The following MAP1B variants were observed in gnomAD, a reference collection of about 807,000 sequenced individuals.
MAP1B encodes the protein microtubule-associated protein 1B.
In MAP1B, 12 loss-of-function variants were observed where a neutral mutation model predicts 176.1. The observed-to-expected ratio is 0.07, with a 90% CI of 0.04 to 0.11. MAP1B has a LOEUF of 0.11. MAP1B is among the 10% of genes least tolerant of loss of function. The probability of loss-of-function intolerance (pLI) is 1.00; values close to 1 mark genes in which losing one functional copy is unlikely to be tolerated. For missense variants in MAP1B, 2,523 were observed against 2,990.5 expected, an observed-to-expected ratio of 0.84 and a Z score of 3.65; for synonymous variants, 1,044 against 1,135.0, an observed-to-expected ratio of 0.92 and a Z score of 1.61.
rs375954638 is a variant in MAP1B at position 72,167,010 on chromosome 5, T to G, written c.287-16733T>G. On this transcript the variant is annotated intron_variant, in intron 2 of 6. Transcript: ENST00000296755. ...CACATAATGTATGCTAATTGCTATA[T>G]TCCTTCTTTTTTTTTTTTTTTTCCA... Among the ~76,000 whole-genome samples the G allele has an allele frequency of 7.0e-3, 945 of 135,458 alleles. 3 individuals are homozygous for G. The highest frequency in any genetic ancestry group is 0.011 in the Non-Finnish European group (718 of 63,006). 88.9% of individuals were successfully genotyped at this position (135,458 alleles called of 152,430 possible). A position where few individuals can be genotyped will look rare whatever the true frequency, so the allele number is the denominator to read the frequency against.
chr5:72,133,267 C>A (rs914845154), intron 2 of MAP1B, among the ~76,000 whole-genome samples: 4 of 152,338 alleles, frequency 2.6e-5, no homozygotes, highest in Non-Finnish European at 5.9e-5. Context: ...AGGTGTTTTT[C>A]CTGAGACAAC....
At chr5:72,183,313 C>T (rs1369356061) in intron 2 of MAP1B, among the ~76,000 whole-genome samples, 1 of 152,224 alleles carries the variant, frequency 6.6e-6, no homozygotes, top group East Asian at 1.9e-4. Context: ...TCATTCATTT[C>T]ACAATAAGGC....
chr5:72,195,610 C>A lies in MAP1B; in HGVS notation c.2255C>A (p.Pro752Gln). The A allele has an allele frequency of 6.2e-7, 1 of 1,614,182 alleles. No homozygotes were observed. Among genetic ancestry groups the A allele is most frequent in the Non-Finnish European group, 8.5e-7 (1 of 1,180,044 alleles). ...SSTPLSEAKK[P>Q]AALKPKVPKK... ...ACTCCTCTGTCTGAAGCAAAAAAACCAGCTGCTTTAAAACCAAAAGTACCC... is the reference window on the plus strand; with the variant it reads ...ACTCCTCTGTCTGAAGCAAAAAAACAAGCTGCTTTAAAACCAAAAGTACCC... The change falls in exon 5 of 7, where the codon CCA becomes CAA. Residue 752 changes from proline to glutamine, a missense_variant. Pro to Gln is a moderately conservative substitution (Grantham distance 76). Coordinates refer to ENST00000296755, the MANE Select transcript of MAP1B (RefSeq NM_005909.5).
chr5:72,161,956 C>CAAAAAAAAAAA (rs4043357), intron 2 of MAP1B, among the ~76,000 whole-genome samples: 1 of 85,020 alleles, frequency 1.2e-5, no homozygotes, highest in Non-Finnish European at 2.3e-5. Flanking sequence ...AATTCCGTCT[C>CAAAAAAAAAAA]AAAAAAAAAA....
intron 2 of MAP1B, among the ~76,000 whole-genome samples, chr5:72,163,878 ACTTTTTT>A (rs1475076692): frequency 3.6e-5 from 5 of 137,440 alleles, no homozygotes; most frequent in Admixed American, 2.9e-4. Flanking sequence ...AGGCTATATG[ACTTTTTT>A]CTTTTTTCTT....
rs182999492 is a variant in MAP1B, at chr5:72,186,170, A to C, written c.370-444A>C. On this transcript the variant is annotated intron_variant, in intron 3 of 6. Coordinates refer to ENST00000296755, the MANE Select transcript of MAP1B (RefSeq NM_005909.5). This position sits in a 1 kb window ranked among gnomAD's most constrained non-coding sequence, Gnocchi z 4.3. ...GAACACCGTGCTTACTGAGGAGGCC[A>C]CTGGGGAACCTGGACTGTACATGGT... is the stretch of plus-strand genomic sequence containing the variant. 1.9e-3 allele frequency among the ~76,000 whole-genome samples: 294 copies of C among 152,268 alleles called. No individual in the cohort carries two copies. Among genetic ancestry groups the C allele is most frequent in the Non-Finnish European group, 3.1e-3 (210 of 68,016 alleles).
intron 2 of MAP1B, among the ~76,000 whole-genome samples, chr5:72,171,522 C>T (rs1040016163): frequency 6.6e-6 from 1 of 151,642 alleles, no homozygotes; most frequent in African/African-American, 2.4e-5. Flanking sequence ...CCCAGGAGGT[C>T]GAGGCTGCAG....
intron 4 of MAP1B, among the ~76,000 whole-genome samples, chr5:72,189,296 A>G (rs1273372896): frequency 2.6e-5 from 4 of 152,184 alleles, no homozygotes; most frequent in African/African-American, 9.7e-5. Flanking sequence ...CCTGAAATCC[A>G]GGGATGGTGA....
At chr5:72,149,241 T>C (rs1357104342) in intron 2 of MAP1B, among the ~76,000 whole-genome samples, 1 of 152,232 alleles carries the variant, frequency 6.6e-6, no homozygotes, top group Non-Finnish European at 1.5e-5. Flanking sequence ...AATTGCCGTT[T>C]TTGCCATTTA....
chr5:72,140,903 A>C (rs1249112794), intron 2 of MAP1B, among the ~76,000 whole-genome samples: 1 of 152,144 alleles, frequency 6.6e-6, no homozygotes, highest in Non-Finnish European at 1.5e-5. Flanking sequence ...AGTCGTTATG[A>C]ATCAAAGGAT....
chr5:72,149,091 G>A (rs1746095658), intron 2 of MAP1B, among the ~76,000 whole-genome samples: 1 of 152,104 alleles, frequency 6.6e-6, no homozygotes, highest in Non-Finnish European at 1.5e-5. Context: ...CCAGCACCTA[G>A]CACAATGCTG....
intron 1 of MAP1B, among the ~76,000 whole-genome samples, chr5:72,108,980 C>T (rs1483942128): frequency 6.6e-6 from 1 of 152,224 alleles, no homozygotes; most frequent in East Asian, 1.9e-4. Context: ...GGGCGTGGTG[C>T]AGTCCGCACT....
At chr5:72,155,028 G>T (rs1254576089) in intron 2 of MAP1B, among the ~76,000 whole-genome samples, 1 of 152,214 alleles carries the variant, frequency 6.6e-6, no homozygotes, top group Admixed American at 6.5e-5. Flanking sequence ...CATATCCTGC[G>T]AAGGGAAGCC....
intron 4 of MAP1B, among the ~76,000 whole-genome samples, chr5:72,192,387 A>G (rs1475293502): frequency 6.6e-6 from 1 of 152,232 alleles, no homozygotes; most frequent in East Asian, 1.9e-4. Context: ...TATCCTTTTT[A>G]CAGAAAATTG....
At chr5:72,114,826 C>T (rs143852974) in intron 1 of MAP1B, among the ~76,000 whole-genome samples, 17 of 152,294 alleles carry the variant, frequency 1.1e-4, no homozygotes, top group East Asian at 7.7e-4. Flanking sequence ...TCTTGCCCTC[C>T]TGTTCCTCTC....
At chr5:72,109,443 CTT>C (rs1426566134) in intron 1 of MAP1B, among the ~76,000 whole-genome samples, 1 of 152,230 alleles carries the variant, frequency 6.6e-6, no homozygotes, top group South Asian at 2.1e-4. Context: ...CACATACTGA[CTT>C]TGGGTGTGGC....
rs1405188272 is a variant in MAP1B, at chr5:72,193,957, T to C, written c.602T>C (p.Leu201Pro). 6.2e-7 allele frequency: 1 copy of C among 1,614,024 alleles called. No individual in the cohort carries two copies. Among genetic ancestry groups the C allele is most frequent in the African/African-American group, 1.3e-5 (1 of 74,906 alleles). Reference sequence around the variant, plus strand: ...GAAGGGGACTGGAAGAACTCCAATCTTGACAGACACAATCTCCAAGACTTC... The same window carrying C: ...GAAGGGGACTGGAAGAACTCCAATCCTGACAGACACAATCTCCAAGACTTC... ...PEEGDWKNSN[L>P]DRHNLQDFIN... Residue 201 changes from leucine to proline, a missense_variant, in exon 5 of 7, where the codon CTT (leucine) becomes CCT (proline). Around this residue, in one of 4 missense-constraint regions of MAP1B, gnomAD observed 307 missense variants for 438.4 expected, o/e 0.70. Coordinates refer to ENST00000296755, the MANE Select transcript of MAP1B (RefSeq NM_005909.5).
In MAP1B at chr5:72,186,744, C is replaced by T; in HGVS notation, c.500C>T (p.Thr167Ile). ...TTCCAGAACTTCATAGAGATTTTCA[C>T]CGATCAAGAGGTAGGTTCGTGTCTG... Reference protein sequence around the residue: ...FSFQNFIEIFTDQEIGELLST... With the variant: ...FSFQNFIEIFIDQEIGELLST... The change falls in exon 4 of 7, where the codon ACC becomes ATC. Residue 167 changes from threonine (T) to isoleucine (I), a missense_variant. Around this residue, in one of 4 missense-constraint regions of MAP1B, gnomAD observed 307 missense variants for 438.4 expected, o/e 0.70. Transcript: ENST00000296755. This position sits in a 1 kb window ranked among gnomAD's most constrained non-coding sequence, Gnocchi z 4.3. 1.2e-6 allele frequency: 2 copies of T among 1,614,082 alleles called. No homozygotes were observed. Among genetic ancestry groups the T allele is most frequent in the Non-Finnish European group, 1.7e-6 (2 of 1,180,028 alleles).
chr5:72,198,235 A>G lies in MAP1B; in HGVS notation c.4880A>G (p.Lys1627Arg), dbSNP rs1300994030. The G allele has an allele frequency of 6.2e-7, 1 of 1,614,038 alleles. No homozygotes were observed. The highest frequency in any genetic ancestry group is 1.3e-5 in the African/African-American group (1 of 74,908). ...MSISPPDFSP[K>R]TAKSRTPVQD... ...ATTTCTCCACCAGATTTCTCCCCTA[A>G]AACTGCAAAGTCCAGGACACCCGTT... is the stretch of plus-strand genomic sequence containing the variant. The change falls in exon 5 of 7, where the codon AAA becomes AGA. Residue 1627 changes from lysine (K) to arginine (R), a missense_variant. Physicochemically the swap from Lys to Arg is conservative, Grantham distance 26. Transcript: ENST00000296755.
Sources: gnomAD v4.1 joint callset for allele counts (sites outside exome capture counted in the v4.1 genomes callset) on GRCh38, gnomAD v4.1.1 for gene constraint, gnomAD v4.1.1 regional missense constraint, Gnocchi (gnomAD v3.1) non-coding constraint, MANE v1.5 for transcripts, NCBI Gene and HGNC (gene_info 2026-07-23, HGNC 2026-07-21) for gene names.